DENND1A: variants seen among roughly 807,000 people sequenced by gnomAD.
The protein encoded by DENND1A is DENN domain-containing protein 1A.
A neutral mutation model predicts 113.7 loss-of-function variants in DENND1A; 51 were observed. The ratio of observed to expected loss-of-function variants is 0.45; its 90% confidence interval spans 0.36 to 0.57. The LOEUF is 0.57. Among genes scored for constraint, DENND1A ranks in the 20% least tolerant of loss-of-function variants. The probability of loss-of-function intolerance (pLI) is 0.00; values close to 1 mark genes in which losing one functional copy is unlikely to be tolerated. For synonymous variants in DENND1A, 565 were observed against 570.8 expected (o/e 0.99, Z 0.14); for missense variants, 1,258 against 1,395.9 (o/e 0.90, Z 1.57).
At position 123,382,605 on chromosome 9, in the gene DENND1A, A is replaced by G. The variant is rs140495915; in HGVS notation, c.2040T>C (p.Ser680=). The G allele has an allele frequency of 1.9e-6, 3 of 1,613,108 alleles. No homozygotes were observed. Among genetic ancestry groups the G allele is most frequent in the African/African-American group, 2.7e-5 (2 of 74,622 alleles). ...CCACTGTCACCCCGCGGCTCCTCTC[A>G]CTCCCGCCCAGATCCAGCCTCTGTT... ...FDYQRLDLGG[S]ERSRGVTVAL... The change falls in exon 24 of 24, where the codon AGT becomes AGC. Residue 680 remains serine (S), a synonymous_variant. Transcript: ENST00000394215.
intron 19 of DENND1A, among the ~76,000 whole-genome samples, chr9:123,428,140 CA>C (rs57537804): frequency 0.14 from 21,264 of 152,062 alleles, 1,932 homozygotes; most frequent in African/African-American, 0.25. Flanking sequence ...CCTGTCTCTA[CA>C]AAAAATACAA....
At chr9:123,447,016 C>A (rs561993152) in intron 18 of DENND1A, among the ~76,000 whole-genome samples, 1 of 152,242 alleles carries the variant, frequency 6.6e-6, no homozygotes, top group African/African-American at 2.4e-5. Context: ...GATTTGTGGC[C>A]ACTGCTTTTA....
intron 1 of DENND1A, among the ~76,000 whole-genome samples, chr9:123,890,956 A>G (rs1849817507): frequency 6.6e-6 from 1 of 151,996 alleles, no homozygotes; most frequent in African/African-American, 2.4e-5. Context: ...CTATTCCACT[A>G]ATTTTTTTTT....
At chr9:123,644,658 C>T (rs772647064) in intron 9 of DENND1A, among the ~76,000 whole-genome samples, 1 of 152,174 alleles carries the variant, frequency 6.6e-6, no homozygotes, top group Non-Finnish European at 1.5e-5. Flanking sequence ...GCATGCACTT[C>T]GAAGGGGCTA....
chr9:123,818,704 CA>C (rs144516169), intron 2 of DENND1A, among the ~76,000 whole-genome samples: 1 of 151,936 alleles, frequency 6.6e-6, no homozygotes, highest in Admixed American at 6.6e-5. Flanking sequence ...GCACATGAAA[CA>C]AAGTTTGTGT....
chr9:123,791,090 G>A (rs1832927998), intron 3 of DENND1A, among the ~76,000 whole-genome samples: 3 of 152,072 alleles, frequency 2.0e-5, no homozygotes, highest in African/African-American at 7.2e-5. Flanking sequence ...ATGTTGAACG[G>A]AATAGACCCA....
chr9:123,636,837 C>G (rs949701506), intron 9 of DENND1A, among the ~76,000 whole-genome samples: 5 of 151,618 alleles, frequency 3.3e-5, no homozygotes, highest in African/African-American at 1.2e-4. Flanking sequence ...GCTGGGATTA[C>G]AGGCATGCGC....
intron 19 of DENND1A, among the ~76,000 whole-genome samples, chr9:123,428,581 G>A (rs2045912056): frequency 1.3e-5 from 2 of 152,130 alleles, no homozygotes; most frequent in South Asian, 2.1e-4. Flanking sequence ...GAAATAAAGG[G>A]CATTCAAATA....
At chr9:123,846,514 G>T (rs570924391) in intron 2 of DENND1A, among the ~76,000 whole-genome samples, 28 of 152,270 alleles carry the variant, frequency 1.8e-4, no homozygotes, top group Admixed American at 1.4e-3. Context: ...TAAATATTCA[G>T]CCATAAAGAG....
chr9:123,657,970 T>C (rs114573529), intron 8 of DENND1A, among the ~76,000 whole-genome samples: 4,535 of 152,246 alleles, frequency 0.03, 70 homozygotes, highest in African/African-American at 0.04. Flanking sequence ...ACCATTAGAA[T>C]AAACAATTAC....
chr9:123,807,659 C>T lies in DENND1A; in HGVS notation c.89-15029G>A, dbSNP rs915930206. On this transcript the variant is annotated intron_variant, in intron 2 of 23. Transcript: ENST00000394215. ...CCATACATGTTTGCTGAATTGAATT[C>T]TATCTGAATTGCCCTTATTAAATTT... 1.1e-4 allele frequency among the ~76,000 whole-genome samples: 17 copies of T among 152,336 alleles called. No individual in the cohort carries two copies. In the South Asian group the frequency reaches 3.1e-3, roughly 28 times the overall value.
rs549750381 is a variant in DENND1A, at chr9:123,623,992, A to C, written c.719+6384T>G. Reference sequence around the variant, plus strand: ...CCTAGCAGCATGTACCTGAAGAAAAACTGGCAGCAGTGGTCCTCATGTGTT... The same window carrying C: ...CCTAGCAGCATGTACCTGAAGAAAACCTGGCAGCAGTGGTCCTCATGTGTT... On this transcript the variant is annotated intron_variant, in intron 10 of 23. Coordinates refer to ENST00000394215, the MANE Select transcript of DENND1A (RefSeq NM_001352964.2). 1.1e-4 allele frequency among the ~76,000 whole-genome samples: 17 copies of C among 152,338 alleles called. No individual in the cohort carries two copies. The South Asian group carries it at 3.5e-3, about 32-fold the overall frequency.
intron 2 of DENND1A, among the ~76,000 whole-genome samples, chr9:123,872,113 A>G (rs1846715558): frequency 6.6e-6 from 1 of 152,178 alleles, no homozygotes. Context: ...TGGGATCCCT[A>G]TGTAAAGGTA....
At chr9:123,820,359 A>G (rs1391620225) in intron 2 of DENND1A, among the ~76,000 whole-genome samples, 2 of 152,216 alleles carry the variant, frequency 1.3e-5, no homozygotes, top group Non-Finnish European at 2.9e-5. Flanking sequence ...AGACTTGGCA[A>G]CTTCTGCTTT....
chr9:123,802,806 G>C (rs368673915), intron 2 of DENND1A, among the ~76,000 whole-genome samples: 1 of 151,740 alleles, frequency 6.6e-6, no homozygotes, highest in African/African-American at 2.4e-5. Context: ...GGGTTCAAGC[G>C]ATTCTCCTGC....
chr9:123,482,099 C>T (rs1036620108), intron 13 of DENND1A, among the ~76,000 whole-genome samples: 4 of 150,788 alleles, frequency 2.7e-5, no homozygotes, highest in Non-Finnish European at 5.9e-5. Context: ...TGGCAGTGCT[C>T]GGCCTTTATT....
chr9:123,902,198 CACACACACAT>C (rs1179897988), intron 1 of DENND1A, among the ~76,000 whole-genome samples: 3 of 151,250 alleles, frequency 2.0e-5, no homozygotes, highest in South Asian at 2.1e-4. Flanking sequence ...CACACACACA[CACACACACAT>C]ACACACACAC....
chr9:123,842,694 A>G (rs914063501), intron 2 of DENND1A, among the ~76,000 whole-genome samples: 27 of 152,360 alleles, frequency 1.8e-4, no homozygotes, highest in African/African-American at 6.3e-4. Flanking sequence ...CCAAACATTT[A>G]AAGAAGAATG....
intron 13 of DENND1A, among the ~76,000 whole-genome samples, chr9:123,464,456 A>G (rs1484602695): frequency 6.6e-6 from 1 of 152,224 alleles, no homozygotes; most frequent in Non-Finnish European, 1.5e-5. Context: ...TCTTGAAGAC[A>G]TTACGTGAAG....
Sources: gnomAD v4.1 joint callset for allele counts (sites outside exome capture counted in the v4.1 genomes callset) on GRCh38, gnomAD v4.1.1 for gene constraint, MANE v1.5 for transcripts, NCBI Gene and HGNC (gene_info 2026-07-23, HGNC 2026-07-21) for gene names.